The following IQCH variants were observed in gnomAD, a reference collection of about 807,000 sequenced individuals.
IQCH encodes IQ domain-containing protein H.
In IQCH, 98 loss-of-function variants were observed where a neutral mutation model predicts 117.0. The observed-to-expected ratio is 0.84, with a 90% CI of 0.71 to 0.99. IQCH has a LOEUF of 0.99. IQCH is among the 50% of genes least tolerant of loss of function. The pLI is 0.00. For missense variants in IQCH, 1,102 were observed against 1,243.8 expected, an observed-to-expected ratio of 0.89 and a Z score of 1.72; for synonymous variants, 412 against 448.2, an observed-to-expected ratio of 0.92 and a Z score of 1.02.
Position 67,254,927 on chromosome 15 carries a change from G to A in IQCH, c.31G>A (p.Val11Ile), listed in dbSNP as rs1417436670. 41 of 1,613,810 alleles carry A rather than the reference G, an allele frequency of 2.5e-5. No homozygotes were observed. Among genetic ancestry groups the A allele is most frequent in the Non-Finnish European group, 3.4e-5 (40 of 1,179,816 alleles). ...ACAGAACACTGAAAACCACGACCCT[G>A]TCGGATCCATCTTAATCCAGGTGGG... MAQNTENHDPVGSILIQIHED... is the reference protein window; with the variant it reads MAQNTENHDPIGSILIQIHED... Residue 11 changes from valine (V) to isoleucine (I), a missense_variant, in exon 1 of 21, where the codon GTC becomes ATC. By Grantham distance (29) the Val-to-Ile change is conservative. Around this residue, in one of 2 missense-constraint regions of IQCH, gnomAD observed 452 missense variants for 449.6 expected, o/e 1.01. Transcript: ENST00000335894.
chr15:67,350,600 G>T (rs544938602), intron 6 of IQCH, among the ~76,000 whole-genome samples: 1 of 151,960 alleles, frequency 6.6e-6, no homozygotes, highest in African/African-American at 2.4e-5. Context: ...CCAATTTTTC[G>T]TATTTTCAGT....
Position 67,457,234 on chromosome 15 carries a change from T to C in IQCH, c.2506-7893T>C, listed in dbSNP as rs1262026111. Among the ~76,000 whole-genome samples the C allele has an allele frequency of 6.6e-6, 1 of 152,208 alleles. No individual in the cohort carries two copies. Among genetic ancestry groups the C allele is most frequent in the African/African-American group, 2.4e-5 (1 of 41,446 alleles). On this transcript the variant is annotated intron_variant, in intron 16 of 20. Transcript: ENST00000335894. This position sits in a 1 kb window ranked among gnomAD's most constrained non-coding sequence, Gnocchi z 5.7. ...ACTCTTACCAAATACCATAATCACA[T>C]TAGTATTTTACTAATTGAAAATTCT...
intron 4 of IQCH, among the ~76,000 whole-genome samples, chr15:67,286,830 C>G (rs779955682): frequency 1.6e-4 from 25 of 151,990 alleles, no homozygotes; most frequent in Non-Finnish European, 3.5e-4. Flanking sequence ...TCAGGCTGGT[C>G]TCAAACTCCT....
rs2083206375 is a variant in IQCH at position 67,476,605 on chromosome 15, CG to C, written c.2799+792del. On this transcript the variant is annotated intron_variant, in intron 18 of 20. Coordinates refer to ENST00000335894, the MANE Select transcript of IQCH (RefSeq NM_001031715.3). This position sits in a 1 kb window ranked among gnomAD's most constrained non-coding sequence, Gnocchi z 4.1. ...ACTTTTGGTCTATTTCCAATGATAC[CG>C]GGGGCCCCTGCATAGCTGCTTTATC... is the stretch of plus-strand genomic sequence containing the variant. Among the ~76,000 whole-genome samples, 3 of 152,178 alleles carry C rather than the reference CG, an allele frequency of 2.0e-5. No individual in the cohort carries two copies. Among genetic ancestry groups the C allele is most frequent in the South Asian group, 4.2e-4 (2 of 4,814 alleles).
At chr15:67,266,537 G>A (rs1302854379) in intron 3 of IQCH, among the ~76,000 whole-genome samples, 1 of 152,102 alleles carries the variant, frequency 6.6e-6, no homozygotes, top group East Asian at 1.9e-4. Context: ...GGCGCCTGTA[G>A]TCCCAGCTAC....
intron 18 of IQCH, among the ~76,000 whole-genome samples, chr15:67,484,968 C>T (rs1457582181): frequency 2.6e-5 from 4 of 151,846 alleles, no homozygotes; most frequent in Non-Finnish European, 5.9e-5. Context: ...AGAAAAAGAT[C>T]CACAGGTGAT....
At position 67,433,221 on chromosome 15, in the gene IQCH, G is replaced by A. The variant is rs1456745659; in HGVS notation, c.2505+11644G>A. Among the ~76,000 whole-genome samples, 2 of 152,174 alleles carry A rather than the reference G, an allele frequency of 1.3e-5. No individual in the cohort carries two copies. Among genetic ancestry groups the A allele is most frequent in the Non-Finnish European group, 2.9e-5 (2 of 68,032 alleles). On this transcript the variant is annotated intron_variant, in intron 16 of 20. Coordinates refer to ENST00000335894, the MANE Select transcript of IQCH (RefSeq NM_001031715.3). The surrounding 1 kb of genome is among the most constrained non-coding windows in gnomAD (Gnocchi z 5.4). The stretch of plus-strand genomic sequence containing the variant: ...GCTGTATCTTTGTGTCAATGAAAGA[G>A]ACCTATAATATGCAAGTAATAGTAA...
chr15:67,268,349 A>G (rs1302189609), intron 3 of IQCH, among the ~76,000 whole-genome samples: 2 of 152,206 alleles, frequency 1.3e-5, no homozygotes, highest in African/African-American at 4.8e-5. Flanking sequence ...TGTTTTCAAA[A>G]TAGGTTTCAC....
chr15:67,368,016 G>A (rs1406973171), intron 8 of IQCH, among the ~76,000 whole-genome samples: 1 of 152,142 alleles, frequency 6.6e-6, no homozygotes, highest in Admixed American at 6.5e-5. Context: ...TAGGGCTAAG[G>A]CACTGTTAAA....
In IQCH at chr15:67,364,548, A is replaced by G. The variant is rs1486084255; in HGVS notation, c.753+4663A>G. Among the ~76,000 whole-genome samples, 1 of 152,174 alleles carries G rather than the reference A, an allele frequency of 6.6e-6. No individual in the cohort carries two copies. Among genetic ancestry groups the G allele is most frequent in the Admixed American group, 6.5e-5 (1 of 15,272 alleles). ...TTACATGTGATTAATAATTTTGCTT[A>G]TATACAACAGAAAAAAGGTTAAATT... On this transcript the variant is annotated intron_variant, in intron 8 of 20. Transcript: ENST00000335894. This position sits in a 1 kb window ranked among gnomAD's most constrained non-coding sequence, Gnocchi z 4.1.
In IQCH at chr15:67,457,648, C is replaced by G. The variant is rs1410777401; in HGVS notation, c.2506-7479C>G. ...ACACTATCTCATTTAGCCACTGAATCCACACATATCCCTCAGGGATAGATC... is the reference window on the plus strand; with the variant it reads ...ACACTATCTCATTTAGCCACTGAATGCACACATATCCCTCAGGGATAGATC... On this transcript the variant is annotated intron_variant, in intron 16 of 20. Coordinates refer to ENST00000335894, the MANE Select transcript of IQCH (RefSeq NM_001031715.3). This position sits in a 1 kb window ranked among gnomAD's most constrained non-coding sequence, Gnocchi z 5.7. Among the ~76,000 whole-genome samples, 1 of 152,198 alleles carries G rather than the reference C, an allele frequency of 6.6e-6. No homozygotes were observed. The highest frequency in any genetic ancestry group is 2.4e-5 in the African/African-American group (1 of 41,446).
chr15:67,306,977 T>G, intron 4 of IQCH: 1 of 1,387,056 alleles, frequency 7.2e-7, no homozygotes, highest in Non-Finnish European at 9.4e-7. Flanking sequence ...AAATAAAAAG[T>G]GTTTCTTAAA....
chr15:67,305,406 G>A (rs772572750), intron 4 of IQCH, among the ~76,000 whole-genome samples: 62 of 151,986 alleles, frequency 4.1e-4, no homozygotes, highest in Non-Finnish European at 8.2e-4. Context: ...AACAGGTTTG[G>A]TTTAAGAGCA....
chr15:67,279,606 G>C (rs1053054017), intron 4 of IQCH, 94 bp downstream of exon 4: 3 of 640,884 alleles, frequency 4.7e-6, no homozygotes, highest in Non-Finnish European at 8.2e-6. Flanking sequence ...TAATGGGTAT[G>C]AAGTTTCTTT....
intron 10 of IQCH, among the ~76,000 whole-genome samples, chr15:67,382,025 A>C (rs1168843561): frequency 1.3e-5 from 2 of 152,132 alleles, no homozygotes; most frequent in Non-Finnish European, 2.9e-5. Context: ...CGGGCTTCAC[A>C]CGTGTTTCAT....
In IQCH at chr15:67,366,608, C is replaced by G. The variant is rs1970341551; in HGVS notation, c.754-5503C>G. Among the ~76,000 whole-genome samples, 1 of 152,182 alleles carries G rather than the reference C, an allele frequency of 6.6e-6. No individual in the cohort carries two copies. The highest frequency in any genetic ancestry group is 1.5e-5 in the Non-Finnish European group (1 of 68,038). On this transcript the variant is annotated intron_variant, in intron 8 of 20. Transcript: ENST00000335894. The surrounding 1 kb of genome is among the most constrained non-coding windows in gnomAD (Gnocchi z 4.4). ...ATCTGAGTGGCCTTTACGCTCAAGT[C>G]TCTTCTTTTATATATCTCTGCTCGA...
chr15:67,335,324 G>A (rs1311375701), intron 4 of IQCH, among the ~76,000 whole-genome samples: 1 of 152,142 alleles, frequency 6.6e-6, no homozygotes, highest in Non-Finnish European at 1.5e-5. Context: ...TTTGTCAAAG[G>A]CTTTGAGAAA....
Position 67,384,923 on chromosome 15 carries a change from G to T in IQCH, c.1373-13G>T. 6.4e-7 allele frequency: 1 copy of T among 1,568,290 alleles called. No homozygotes were observed. The highest frequency in any genetic ancestry group is 8.8e-7 in the Non-Finnish European group (1 of 1,139,222). On this transcript the variant is annotated splice_polypyrimidine_tract_variant and intron_variant, in intron 10 of 20. Transcript: ENST00000335894. This position sits in a 1 kb window ranked among gnomAD's most constrained non-coding sequence, Gnocchi z 4.3. ...TGCTCTTTCTGTGTTTTGACACCTT[G>T]TTTGCCTTTTAGGGTATTCCCAGCC...
rs528475087 is a variant in IQCH at position 67,454,584 on chromosome 15, CA to C, written c.2506-10542del. Among the ~76,000 whole-genome samples, 237 of 152,308 alleles carry C rather than the reference CA, an allele frequency of 1.6e-3. No homozygotes were observed. Among genetic ancestry groups the C allele is most frequent in the Non-Finnish European group, 2.3e-3 (158 of 68,030 alleles). ...CTCCCCATACCTCCTTCCTCACAGC[CA>C]CTGGAAAACATTTTCCATCTCCATG... is the stretch of plus-strand genomic sequence containing the variant. On this transcript the variant is annotated intron_variant, in intron 16 of 20. Transcript: ENST00000335894. This position sits in a 1 kb window ranked among gnomAD's most constrained non-coding sequence, Gnocchi z 5.2.
Sources: gnomAD v4.1 joint callset for allele counts (sites outside exome capture counted in the v4.1 genomes callset) on GRCh38, gnomAD v4.1.1 for gene constraint, gnomAD v4.1.1 regional missense constraint, Gnocchi (gnomAD v3.1) non-coding constraint, MANE v1.5 for transcripts, NCBI Gene and HGNC (gene_info 2026-07-23, HGNC 2026-07-21) for gene names.